Variants in FAM227B observed in about 807,000 individuals in gnomAD.
The protein encoded by FAM227B is protein FAM227B.
Under a neutral mutation model 73.8 loss-of-function variants are expected in FAM227B, and 88 were observed. That is an observed-to-expected ratio of 1.19 (90% confidence interval 1.00 to 1.42). The LOEUF is 1.42. Among genes scored for constraint, FAM227B ranks in the 40% most tolerant of loss-of-function variants. FAM227B has a pLI of 0.00. For synonymous variants in FAM227B, 210 were observed against 190.5 expected (o/e 1.10, Z -0.84); for missense variants, 632 against 590.9 (o/e 1.07, Z -0.72).
intron 9 of FAM227B, among the ~76,000 whole-genome samples, chr15:49,567,943 G>A (rs945294017): frequency 6.6e-6 from 1 of 151,886 alleles, no homozygotes; most frequent in African/African-American, 2.4e-5. Flanking sequence ...AAATAATTTT[G>A]TAGGTAAACA....
At chr15:49,386,688 T>C (rs1596763746) in intron 11 of FAM227B, among the ~76,000 whole-genome samples, 1 of 150,300 alleles carries the variant, frequency 6.7e-6, no homozygotes, top group Admixed American at 6.6e-5. Flanking sequence ...AACAAAACAA[T>C]ACAAAAGATC....
chr15:49,597,104 T>C (rs180992063), intron 3 of FAM227B, among the ~76,000 whole-genome samples: 8 of 152,100 alleles, frequency 5.3e-5, no homozygotes, highest in African/African-American at 9.6e-5. Flanking sequence ...ACTTAAACTA[T>C]ACCCTACAAC....
chr15:49,529,365 G>A (rs991108348), intron 10 of FAM227B, among the ~76,000 whole-genome samples: 2 of 151,344 alleles, frequency 1.3e-5, no homozygotes, highest in Non-Finnish European at 3.0e-5. Flanking sequence ...TGAACTATTG[G>A]GTACTGTGTT....
chr15:49,555,400 G>A (rs1422255171), intron 9 of FAM227B, among the ~76,000 whole-genome samples: 1 of 152,180 alleles, frequency 6.6e-6, no homozygotes, highest in Non-Finnish European at 1.5e-5. Flanking sequence ...TGGGTTGTAG[G>A]GCTTTTGCTG....
intron 10 of FAM227B, among the ~76,000 whole-genome samples, chr15:49,517,708 C>T (rs924043811): frequency 6.6e-6 from 1 of 152,122 alleles, no homozygotes; most frequent in South Asian, 2.1e-4. Context: ...ATGAACAAAT[C>T]ATAAATGTAT....
chr15:49,391,138 TGAG>T (rs2047189048), intron 11 of FAM227B, among the ~76,000 whole-genome samples: 2 of 152,086 alleles, frequency 1.3e-5, no homozygotes, highest in Non-Finnish European at 2.9e-5. Flanking sequence ...AATTAAGACA[TGAG>T]GAGATAGATC....
In FAM227B at chr15:49,369,820, C is replaced by T. The variant is rs562618789; in HGVS notation, c.1110+1482G>A. Among the ~76,000 whole-genome samples the T allele has an allele frequency of 8.5e-5, 13 of 152,262 alleles. No individual in the cohort carries two copies. In the East Asian group the frequency reaches 2.5e-3, roughly 29 times the overall value. ...CTCTAATTCTGCTTTCCTACAGTAGCTCTCTACATATTTGAAAACAGTTAT... is the reference window on the plus strand; with the variant it reads ...CTCTAATTCTGCTTTCCTACAGTAGTTCTCTACATATTTGAAAACAGTTAT... On this transcript the variant is annotated intron_variant, in intron 12 of 15. Transcript: ENST00000299338.
At chr15:49,351,116 T>C (rs972622705) in intron 13 of FAM227B, among the ~76,000 whole-genome samples, 1 of 152,200 alleles carries the variant, frequency 6.6e-6, no homozygotes, top group Non-Finnish European at 1.5e-5. Flanking sequence ...ATTGTGTAGA[T>C]CATTTAGTTT....
At chr15:49,597,471 T>A (rs1443315980) in intron 3 of FAM227B, among the ~76,000 whole-genome samples, 1 of 151,890 alleles carries the variant, frequency 6.6e-6, no homozygotes, top group Non-Finnish European at 1.5e-5. Context: ...GCAAAACCAG[T>A]GCTAAGAGGA....
intron 11 of FAM227B, among the ~76,000 whole-genome samples, chr15:49,453,867 A>G (rs575145891): frequency 1.3e-5 from 2 of 152,270 alleles, no homozygotes; most frequent in African/African-American, 4.8e-5. Context: ...CATTTTACAT[A>G]AGAGTTCTGA....
intron 13 of FAM227B, among the ~76,000 whole-genome samples, chr15:49,362,126 T>C (rs2044346729): frequency 6.6e-6 from 1 of 151,896 alleles, no homozygotes; most frequent in Non-Finnish European, 1.5e-5. Flanking sequence ...AAGTTCCTTA[T>C]TAACATAGTT....
At chr15:49,351,331 G>T (rs1320444197) in intron 13 of FAM227B, among the ~76,000 whole-genome samples, 1 of 152,158 alleles carries the variant, frequency 6.6e-6, no homozygotes, top group East Asian at 1.9e-4. Context: ...TCATGTTAAA[G>T]TCTTTCCTGG....
intron 5 of FAM227B, among the ~76,000 whole-genome samples, chr15:49,587,185 A>G (rs948036871): frequency 6.6e-6 from 1 of 152,170 alleles, no homozygotes; most frequent in African/African-American, 2.4e-5. Context: ...TTGCAGGTAT[A>G]TGGATCCAGC....
chr15:49,522,081 C>T (rs909759449), intron 10 of FAM227B, among the ~76,000 whole-genome samples: 4 of 152,176 alleles, frequency 2.6e-5, no homozygotes, highest in African/African-American at 9.7e-5. Context: ...CATCCACACT[C>T]TCAGCCACAC....
chr15:49,527,777 C>A (rs1389251599), intron 10 of FAM227B, among the ~76,000 whole-genome samples: 5 of 151,656 alleles, frequency 3.3e-5, no homozygotes, highest in Middle Eastern at 6.8e-3. Flanking sequence ...AAATTAAATA[C>A]CTAGGAATAC....
chr15:49,477,054 T>C (rs1392199494), intron 11 of FAM227B, among the ~76,000 whole-genome samples: 1 of 136,112 alleles, frequency 7.3e-6, no homozygotes, highest in East Asian at 2.2e-4. Flanking sequence ...AGCGAGACTC[T>C]GTCTCGAAAA....
rs531397479 is a variant in FAM227B at position 49,344,537 on chromosome 15, A to G, written c.1272-9041T>C. Among the ~76,000 whole-genome samples the G allele has an allele frequency of 1.5e-3, 224 of 152,270 alleles. 3 individuals carry two copies. Among genetic ancestry groups the G allele is most frequent in the African/African-American group, 5.1e-3 (212 of 41,556 alleles). On this transcript the variant is annotated intron_variant, in intron 13 of 15. Transcript: ENST00000299338. ...TGTTCCAATATGACACTTTCCCCAC[A>G]AGAGCCTAGCGAGGGAGGACTGTAA...
intron 9 of FAM227B, among the ~76,000 whole-genome samples, chr15:49,561,625 G>T (rs2074267028): frequency 6.6e-6 from 1 of 152,010 alleles, no homozygotes; most frequent in Non-Finnish European, 1.5e-5. Flanking sequence ...CATGAAGCAG[G>T]TCTCAATAAA....
intron 11 of FAM227B, among the ~76,000 whole-genome samples, chr15:49,491,824 C>T (rs1397276636): frequency 6.6e-6 from 1 of 151,784 alleles, no homozygotes; most frequent in African/African-American, 2.4e-5. Flanking sequence ...TTGTATCAAG[C>T]ACTGTATGAT....
Sources: gnomAD v4.1 joint callset for allele counts (sites outside exome capture counted in the v4.1 genomes callset) on GRCh38, gnomAD v4.1.1 for gene constraint, MANE v1.5 for transcripts, NCBI Gene and HGNC (gene_info 2026-07-23, HGNC 2026-07-21) for gene names.